The following MCTP1 variants were observed in gnomAD, a reference collection of about 807,000 sequenced individuals.
MCTP1 encodes multiple C2 and transmembrane domain containing 1.
A neutral mutation model predicts 120.6 loss-of-function variants in MCTP1; 69 were observed. The observed-to-expected ratio is 0.57, with a 90% confidence interval of 0.47 to 0.70. The LOEUF (loss-of-function observed/expected upper bound fraction) is 0.70, where lower values mean the gene tolerates loss of function less well. MCTP1 is among the 30% of genes least tolerant of loss of function. The pLI is 0.00. For missense variants in MCTP1, 1,203 were observed against 1,248.8 expected (o/e 0.96, Z 0.55); for synonymous variants, 529 against 493.1 (o/e 1.07, Z -0.96).
At chr5:95,001,621 C>T (rs1833707276) in intron 2 of MCTP1, among the ~76,000 whole-genome samples, 1 of 152,276 alleles carries the variant, frequency 6.6e-6, no homozygotes, top group South Asian at 2.1e-4. Flanking sequence ...AGACTGGCAG[C>T]ATTTTGCCCC....
rs1582733484 is a variant in MCTP1 at position 95,284,179 on chromosome 5, C to T, written c.397G>A (p.Val133Ile). ...RRIREHLLPAVKGPAAASGAA... is the reference protein window; with the variant it reads ...RRIREHLLPAIKGPAAASGAA... ...CCCGAGGCCGCCGCGGGCCCCTTTA[C>T]GGCGGGGAGCAAATGCTCGCGGATC... Residue 133 changes from valine (V) to isoleucine (I), a missense_variant, in exon 1 of 23, where the codon GTA (valine) becomes ATA (isoleucine). Transcript: ENST00000515393. This position sits in a 1 kb window ranked among gnomAD's most constrained non-coding sequence, Gnocchi z 5.2. The T allele has an allele frequency of 2.6e-6, 4 of 1,546,940 alleles. No individual in the cohort carries two copies. Among genetic ancestry groups the T allele is most frequent in the Admixed American group, 1.9e-5 (1 of 51,368 alleles).
At chr5:95,168,131 A>G (rs1057360195) in intron 1 of MCTP1, among the ~76,000 whole-genome samples, 11 of 152,330 alleles carry the variant, frequency 7.2e-5, no homozygotes, top group Middle Eastern at 3.4e-3. Context: ...CAGTTTTCTC[A>G]GCACCATTTA....
chr5:94,754,905 T>C (rs936364130), intron 19 of MCTP1, among the ~76,000 whole-genome samples: 2 of 152,186 alleles, frequency 1.3e-5, no homozygotes, highest in East Asian at 1.9e-4. Context: ...GGGATGTTGT[T>C]GGACCTGTCT....
chr5:94,802,085 T>C lies in MCTP1; in HGVS notation c.2437-2953A>G, dbSNP rs138301956. 3.8e-3 allele frequency among the ~76,000 whole-genome samples: 571 copies of C among 152,242 alleles called. 5 individuals carry two copies. The highest frequency in any genetic ancestry group is 0.013 in the African/African-American group (536 of 41,546). ...CAGAAGACAGAGACACAGAAAGAAATTACATTCATTTTAGGAATTCTGGCA... is the reference window on the plus strand; with the variant it reads ...CAGAAGACAGAGACACAGAAAGAAACTACATTCATTTTAGGAATTCTGGCA... On this transcript the variant is annotated intron_variant, in intron 17 of 22. Transcript: ENST00000515393.
rs145085593 is a variant in MCTP1, at chr5:95,055,867, A to G, written c.721-38383T>C. Among the ~76,000 whole-genome samples the G allele has an allele frequency of 7.9e-5, 12 of 152,316 alleles. No homozygotes were observed. The East Asian group carries it at 1.3e-3, about 17-fold the overall frequency. ...GTGTGAAAAAAAATATTAAAACAATACCTGGCTTATAAGCAATGAATAAAC... is the reference window on the plus strand; with the variant it reads ...GTGTGAAAAAAAATATTAAAACAATGCCTGGCTTATAAGCAATGAATAAAC... On this transcript the variant is annotated intron_variant, in intron 1 of 22. Coordinates refer to ENST00000515393, the MANE Select transcript of MCTP1 (RefSeq NM_024717.7).
intron 10 of MCTP1, among the ~76,000 whole-genome samples, chr5:94,908,638 A>C (rs1234775862): frequency 6.6e-6 from 1 of 152,056 alleles, no homozygotes; most frequent in Non-Finnish European, 1.5e-5. Context: ...AAAAATATAA[A>C]CATAGGCTTT....
At chr5:94,757,307 G>A (rs964296955) in intron 19 of MCTP1, among the ~76,000 whole-genome samples, 3 of 152,116 alleles carry the variant, frequency 2.0e-5, no homozygotes, top group Non-Finnish European at 4.4e-5. Context: ...TTAGATAAAC[G>A]GAAAGAACAT....
chr5:95,087,957 G>A (rs545562112), intron 1 of MCTP1, among the ~76,000 whole-genome samples: 1 of 152,276 alleles, frequency 6.6e-6, no homozygotes, highest in East Asian at 1.9e-4. Context: ...ACTGACAGCC[G>A]GGTTAGCGAT....
rs76006624 is a variant in MCTP1, at chr5:94,885,656, T to C, written c.1933+3223A>G. 2.5e-3 allele frequency among the ~76,000 whole-genome samples: 351 copies of C among 142,370 alleles called. 1 individual carries two copies. The highest frequency in any genetic ancestry group is 8.6e-3 in the African/African-American group (325 of 37,774). 93.4% of individuals were successfully genotyped at this position (142,370 alleles called of 152,430 possible). On this transcript the variant is annotated intron_variant, in intron 12 of 22. Coordinates refer to ENST00000515393, the MANE Select transcript of MCTP1 (RefSeq NM_024717.7). ...GTGTAGAGTTTTAAGGAAAACTTGATCTAGCTGCAGAGAGAATGTTCCCCA... is the reference window on the plus strand; with the variant it reads ...GTGTAGAGTTTTAAGGAAAACTTGACCTAGCTGCAGAGAGAATGTTCCCCA...
intron 1 of MCTP1, among the ~76,000 whole-genome samples, chr5:95,230,624 T>C (rs1754825344): frequency 6.6e-6 from 1 of 152,184 alleles, no homozygotes; most frequent in African/African-American, 2.4e-5. Flanking sequence ...GCTGCAATTT[T>C]TTGAATTTTT....
chr5:95,012,588 T>C (rs981158596), intron 2 of MCTP1, among the ~76,000 whole-genome samples: 1 of 152,136 alleles, frequency 6.6e-6, no homozygotes, highest in Non-Finnish European at 1.5e-5. Flanking sequence ...TTTGGTAATT[T>C]CTGCAACATT....
chr5:94,756,849 A>G (rs1770015513), intron 19 of MCTP1, among the ~76,000 whole-genome samples: 1 of 152,190 alleles, frequency 6.6e-6, no homozygotes, highest in Admixed American at 6.5e-5. Context: ...CATGTTATGT[A>G]TTAAAGTACT....
At chr5:95,090,553 T>C (rs944349953) in intron 1 of MCTP1, among the ~76,000 whole-genome samples, 1 of 152,166 alleles carries the variant, frequency 6.6e-6, no homozygotes, top group Non-Finnish European at 1.5e-5. Flanking sequence ...CGTGGAGTTG[T>C]GCGGCACACA....
At position 95,188,083 on chromosome 5, in the gene MCTP1, C is replaced by G. The variant is rs1176813075; in HGVS notation, c.720+95773G>C. Among the ~76,000 whole-genome samples, 3 of 151,942 alleles carry G rather than the reference C, an allele frequency of 2.0e-5. No homozygotes were observed. In the East Asian group the frequency reaches 5.8e-4, roughly 29 times the overall value. On this transcript the variant is annotated intron_variant, in intron 1 of 22. Coordinates refer to ENST00000515393, the MANE Select transcript of MCTP1 (RefSeq NM_024717.7). ...CAACAGTAAAGAAACACCATTCAAA[C>G]AGAAAATGGACAAAAGACATGGAAA...
chr5:94,895,092 T>C (rs977071148), intron 10 of MCTP1, among the ~76,000 whole-genome samples: 1 of 152,132 alleles, frequency 6.6e-6, no homozygotes, highest in African/African-American at 2.4e-5. Flanking sequence ...GTCACGGTAT[T>C]CATAAAGTGG....
intron 1 of MCTP1, among the ~76,000 whole-genome samples, chr5:95,168,240 G>T (rs1395164788): frequency 6.6e-6 from 1 of 152,154 alleles, no homozygotes; most frequent in Non-Finnish European, 1.5e-5. Context: ...GCTCTGTTCT[G>T]TTCCATTGGT....
intron 1 of MCTP1, among the ~76,000 whole-genome samples, chr5:95,121,835 A>G (rs1379637063): frequency 6.6e-6 from 1 of 151,690 alleles, no homozygotes; most frequent in Non-Finnish European, 1.5e-5. Flanking sequence ...TAATCCGTAC[A>G]TCTATAGTGA....
At chr5:94,735,650 G>T (rs1764054580) in intron 19 of MCTP1, among the ~76,000 whole-genome samples, 1 of 152,100 alleles carries the variant, frequency 6.6e-6, no homozygotes, top group Non-Finnish European at 1.5e-5. Flanking sequence ...TAAGAGAACA[G>T]TTTCACTCTA....
rs147270048 is a variant in MCTP1, at chr5:95,157,779, C to T, written c.720+126077G>A. Among the ~76,000 whole-genome samples, 12 of 152,270 alleles carry T rather than the reference C, an allele frequency of 7.9e-5. No homozygotes were observed. The East Asian group carries it at 2.1e-3, about 27-fold the overall frequency. On this transcript the variant is annotated intron_variant, in intron 1 of 22. Coordinates refer to ENST00000515393, the MANE Select transcript of MCTP1 (RefSeq NM_024717.7). ...GCAGGGATCAGCAAACTGTGGCTCA[C>T]GGGCCAAGTCAGCCAGATGCCTGTT...
Sources: gnomAD v4.1 joint callset for allele counts (sites outside exome capture counted in the v4.1 genomes callset) on GRCh38, gnomAD v4.1.1 for gene constraint, Gnocchi (gnomAD v3.1) non-coding constraint, MANE v1.5 for transcripts, NCBI Gene and HGNC (gene_info 2026-07-23, HGNC 2026-07-21) for gene names.